The following DIAPH3 variants were observed in gnomAD, a reference collection of about 807,000 sequenced individuals.
DIAPH3 encodes diaphanous related formin 3.
DIAPH3 carries 117 observed loss-of-function variants against 144.3 expected under a neutral mutation model. The observed-to-expected ratio is 0.81, with a 90% confidence interval of 0.70 to 0.95. The LOEUF is 0.95. Ranked by LOEUF, DIAPH3 falls within the 40% of genes least tolerant of loss-of-function variation. The probability of loss-of-function intolerance (pLI) is 0.00; values close to 1 mark genes in which losing one functional copy is unlikely to be tolerated. For missense variants in DIAPH3, 1,421 were observed against 1,412.7 expected, an observed-to-expected ratio of 1.01 and a Z score of -0.09; for synonymous variants, 519 against 488.9, an observed-to-expected ratio of 1.06 and a Z score of -0.81.
At chr13:59,799,290 CGAAG>C (rs1566326279) in intron 25 of DIAPH3, among the ~76,000 whole-genome samples, 1 of 150,044 alleles carries the variant, frequency 6.7e-6, no homozygotes. Flanking sequence ...CTTCCTTCAT[CGAAG>C]GAAGAAGGGA....
intron 27 of DIAPH3, among the ~76,000 whole-genome samples, chr13:59,689,052 A>G (rs1235809733): frequency 1.3e-5 from 2 of 152,120 alleles, no homozygotes; most frequent in Non-Finnish European, 2.9e-5. Context: ...CAGGCACAGA[A>G]AGAAAGCAAT....
chr13:60,080,009 G>C (rs531332671), intron 4 of DIAPH3, among the ~76,000 whole-genome samples: 2 of 151,794 alleles, frequency 1.3e-5, no homozygotes, highest in South Asian at 4.1e-4. Context: ...CCGAGTCCTA[G>C]AGAAAAATAA....
At chr13:59,895,886 C>T (rs2046065986) in intron 20 of DIAPH3, among the ~76,000 whole-genome samples, 1 of 152,136 alleles carries the variant, frequency 6.6e-6, no homozygotes, top group Non-Finnish European at 1.5e-5. Flanking sequence ...GAATCCTCTC[C>T]CATTTGGGTC....
chr13:59,879,025 G>T lies in DIAPH3; in HGVS notation c.2607+204C>A, dbSNP rs1241407000. Among the ~76,000 whole-genome samples, 6 of 152,208 alleles carry T rather than the reference G, an allele frequency of 3.9e-5. No individual in the cohort carries two copies. In the East Asian group the frequency reaches 9.7e-4, roughly 25 times the overall value. On this transcript the variant is annotated intron_variant, in intron 21 of 27. Transcript: ENST00000400324. ...TAAATAAAATCCTTGAATTGGATTT[G>T]CAGATTGAAGAAAATTAATATTTGG...
At chr13:60,136,744 G>A (rs1043873461) in intron 1 of DIAPH3, among the ~76,000 whole-genome samples, 1 of 151,980 alleles carries the variant, frequency 6.6e-6, no homozygotes, top group South Asian at 2.1e-4. Context: ...GACCATCCTG[G>A]CTAACACAGT....
At chr13:59,769,897 A>G (rs1337496552) in intron 27 of DIAPH3, among the ~76,000 whole-genome samples, 1 of 152,152 alleles carries the variant, frequency 6.6e-6, no homozygotes, top group African/African-American at 2.4e-5. Context: ...TATTTTCTGT[A>G]GACTACAGAA....
intron 7 of DIAPH3, 57 bp downstream of exon 7, chr13:60,015,856 G>T: frequency 6.8e-7 from 1 of 1,464,600 alleles, no homozygotes; most frequent in Non-Finnish European, 9.5e-7. Flanking sequence ...TACTGCAACT[G>T]AAAATCATAT....
chr13:60,028,322 A>C (rs2054529550), intron 5 of DIAPH3, among the ~76,000 whole-genome samples: 1 of 152,042 alleles, frequency 6.6e-6, no homozygotes, highest in African/African-American at 2.4e-5. Flanking sequence ...GACTCCAAAA[A>C]AATCTATTTT....
At position 59,861,523 on chromosome 13, in the gene DIAPH3, T is replaced by C; in HGVS notation, c.2621A>G (p.Lys874Arg). The C allele has an allele frequency of 3.1e-6, 5 of 1,613,748 alleles. No individual in the cohort carries two copies. Among genetic ancestry groups the C allele is most frequent in the South Asian group, 1.1e-5 (1 of 91,072 alleles). Residue 874 changes from lysine to arginine, a missense_variant, in exon 22 of 28, where the codon AAA becomes AGA. Physicochemically the swap from Lys to Arg is conservative, Grantham distance 26. Transcript: ENST00000400324. The stretch of plus-strand genomic sequence containing the variant: ...TAGCGTTGTTTTCTGATCTGCTGAT[T>C]TTGTGTCCTTTAGCTAAATAGAACA... ...LSSLCKLKDT[K>R]SADQKTTLLH...
chr13:59,979,118 A>C (rs2050838481), intron 14 of DIAPH3, among the ~76,000 whole-genome samples: 1 of 151,684 alleles, frequency 6.6e-6, no homozygotes, highest in Non-Finnish European at 1.5e-5. Flanking sequence ...TATTTTCTGA[A>C]TCTAACTAAC....
intron 17 of DIAPH3, among the ~76,000 whole-genome samples, chr13:59,961,426 T>C (rs1336894698): frequency 6.6e-6 from 1 of 152,216 alleles, no homozygotes; most frequent in African/African-American, 2.4e-5. Context: ...TCACTTCGCG[T>C]GTATATTACA....
intron 18 of DIAPH3, among the ~76,000 whole-genome samples, chr13:59,918,560 G>C (rs1016470024): frequency 1.1e-4 from 16 of 152,156 alleles, no homozygotes; most frequent in African/African-American, 3.9e-4. Flanking sequence ...AAGTAAGCCT[G>C]ATGCAGGGCC....
In DIAPH3 at chr13:60,063,921, C is replaced by A. The variant is rs572511508; in HGVS notation, c.496-21101G>T. Among the ~76,000 whole-genome samples, 10 of 151,982 alleles carry A rather than the reference C, an allele frequency of 6.6e-5. No individual in the cohort carries two copies. In the South Asian group the frequency reaches 2.1e-3, roughly 32 times the overall value. On this transcript the variant is annotated intron_variant, in intron 4 of 27. Transcript: ENST00000400324. ...TCCAGCCTGAGCAATAAGAGCAAAC[C>A]CCCAACTCAAAAAAAAAAGACATTA...
At chr13:59,731,325 A>T (rs528755737) in intron 27 of DIAPH3, among the ~76,000 whole-genome samples, 1 of 152,314 alleles carries the variant, frequency 6.6e-6, no homozygotes, top group East Asian at 1.9e-4. Context: ...CTTAGCATTA[A>T]ACTACAAGAC....
intron 27 of DIAPH3, among the ~76,000 whole-genome samples, chr13:59,669,070 C>T (rs12583050): frequency 0.12 from 17,588 of 152,068 alleles, 1,554 homozygotes; most frequent in African/African-American, 0.24. Flanking sequence ...TCTGAAAACC[C>T]TTTTGCCAAA....
chr13:59,914,805 C>T (rs2047151162), intron 19 of DIAPH3, among the ~76,000 whole-genome samples: 1 of 152,032 alleles, frequency 6.6e-6, no homozygotes, highest in South Asian at 2.1e-4. Flanking sequence ...GGTCATTCTG[C>T]CAATACTTTG....
chr13:59,930,229 A>G (rs1163362692), intron 17 of DIAPH3, among the ~76,000 whole-genome samples: 5 of 152,326 alleles, frequency 3.3e-5, no homozygotes, highest in African/African-American at 1.2e-4. Context: ...AACTAAAAAG[A>G]GACTGTGTTA....
chr13:59,874,281 A>G (rs1191144427), intron 21 of DIAPH3, among the ~76,000 whole-genome samples: 1 of 152,202 alleles, frequency 6.6e-6, no homozygotes, highest in Admixed American at 6.5e-5. Context: ...GTTGCTAATC[A>G]ATGTCATCCA....
intron 25 of DIAPH3, among the ~76,000 whole-genome samples, chr13:59,793,077 T>C (rs957372614): frequency 2.6e-5 from 4 of 152,168 alleles, no homozygotes; most frequent in Non-Finnish European, 5.9e-5. Flanking sequence ...TCCTTTTAGA[T>C]AGAAAACAGG....
Sources: gnomAD v4.1 joint callset for allele counts (sites outside exome capture counted in the v4.1 genomes callset) on GRCh38, gnomAD v4.1.1 for gene constraint, MANE v1.5 for transcripts, NCBI Gene and HGNC (gene_info 2026-07-23, HGNC 2026-07-21) for gene names.